RGS6: variants seen among roughly 807,000 people sequenced by gnomAD.
RGS6 encodes regulator of G-protein signaling 6.
Under a neutral mutation model 78.5 loss-of-function variants are expected in RGS6, and 30 were observed. The observed-to-expected ratio is 0.38, with a 90% confidence interval of 0.29 to 0.52. The LOEUF is 0.52. Ranked by LOEUF, RGS6 falls within the 20% of genes least tolerant of loss-of-function variation. The pLI, the probability that RGS6 is intolerant of heterozygous loss-of-function variation, is 0.85. For synonymous variants in RGS6, 206 were observed against 206.0 expected (o/e 1.00, Z 0.00); for missense variants, 495 against 609.7 (o/e 0.81, Z 1.98).
chr14:72,147,315 CTTAGT>C (rs1368516668), intron 2 of RGS6, among the ~76,000 whole-genome samples: 2 of 152,060 alleles, frequency 1.3e-5, no homozygotes, highest in Non-Finnish European at 2.9e-5. Flanking sequence ...AATTTTTTGT[CTTAGT>C]TTATTTTGTG....
intron 1 of RGS6, among the ~76,000 whole-genome samples, chr14:71,955,221 A>G (rs1697144118): frequency 6.6e-6 from 1 of 152,102 alleles, no homozygotes; most frequent in South Asian, 2.1e-4. Flanking sequence ...TCTGTAATCC[A>G]CTGTTACACC....
rs1048736605 is a variant in RGS6 at position 72,315,989 on chromosome 14, A to G, written c.85-36106A>G. ...GCTTGGCTTGGGGTAGCCCAAATAC[A>G]CAGTTCTGTCCAACCATGCATAGGC... On this transcript the variant is annotated intron_variant, in intron 2 of 17. Coordinates refer to ENST00000553525, the MANE Select transcript of RGS6 (RefSeq NM_001204424.2). 7.9e-5 allele frequency among the ~76,000 whole-genome samples: 12 copies of G among 152,290 alleles called. No individual in the cohort carries two copies. The East Asian group carries it at 2.3e-3, about 29-fold the overall frequency.
the RGS6 span, among the ~76,000 whole-genome samples, chr14:71,873,893 T>C: frequency 2.0e-5 from 3 of 152,226 alleles, no homozygotes; most frequent in Non-Finnish European, 4.4e-5. Flanking sequence ...ATTTATTAAA[T>C]TGGGAATCCT....
At chr14:72,395,503 C>A (rs553599652) in intron 3 of RGS6, among the ~76,000 whole-genome samples, 1 of 151,632 alleles carries the variant, frequency 6.6e-6, no homozygotes, top group Non-Finnish European at 1.5e-5. Context: ...GAATTCTGAC[C>A]CTCATATAAT....
chr14:72,348,839 G>A (rs922017145), intron 2 of RGS6, among the ~76,000 whole-genome samples: 1 of 152,174 alleles, frequency 6.6e-6, no homozygotes, highest in Non-Finnish European at 1.5e-5. Flanking sequence ...CTTTGCTGTA[G>A]AGCAAACCAC....
At chr14:71,995,373 C>T (rs1310070710) in intron 2 of RGS6, among the ~76,000 whole-genome samples, 5 of 152,212 alleles carry the variant, frequency 3.3e-5, no homozygotes, top group African/African-American at 4.8e-5. Context: ...TGTTTGACAT[C>T]GCATGCCAGA....
intron 17 of RGS6, among the ~76,000 whole-genome samples, chr14:72,544,489 C>T (rs1435776364): frequency 1.3e-5 from 2 of 152,140 alleles, no homozygotes; most frequent in East Asian, 1.9e-4. Flanking sequence ...CCAGAGCAAG[C>T]ACTGGAGGCC....
chr14:71,978,143 C>G (rs919793526), intron 2 of RGS6, among the ~76,000 whole-genome samples: 12 of 142,476 alleles, frequency 8.4e-5, no homozygotes, highest in African/African-American at 3.0e-4. Context: ...AGTTGCTTAT[C>G]AGCTTAAAGA....
rs2097690897 is a variant in RGS6 at position 72,562,696 on chromosome 14, C to A, written c.*229C>A. On this transcript the variant is annotated 3_prime_UTR_variant, in exon 18 of 18. Transcript: ENST00000553525. ...GCCCGGTGGAGGCTCCTGTTTACAGCCCTCTCTTCTTTGTACAGTTGTATT... is the reference window on the plus strand; with the variant it reads ...GCCCGGTGGAGGCTCCTGTTTACAGACCTCTCTTCTTTGTACAGTTGTATT... The A allele has an allele frequency of 2.0e-6, 3 of 1,536,086 alleles. No homozygotes were observed. In the East Asian group the frequency reaches 7.3e-5, roughly 38 times the overall value.
intron 3 of RGS6, among the ~76,000 whole-genome samples, chr14:72,414,976 T>G (rs1471102736): frequency 3.9e-5 from 6 of 152,168 alleles, no homozygotes; most frequent in Non-Finnish European, 8.8e-5. Flanking sequence ...GGGGGGTGCC[T>G]CCCAGTTAGG....
At chr14:72,523,242 C>T (rs955824397) in intron 15 of RGS6, among the ~76,000 whole-genome samples, 3 of 152,168 alleles carry the variant, frequency 2.0e-5, no homozygotes, top group African/African-American at 7.2e-5. Flanking sequence ...GGTGGTCGCA[C>T]TGAGACCTGG....
intron 2 of RGS6, among the ~76,000 whole-genome samples, chr14:72,282,256 C>A (rs1295372749): frequency 6.6e-6 from 1 of 152,104 alleles, no homozygotes; most frequent in African/African-American, 2.4e-5. Flanking sequence ...ATATACTTGA[C>A]CTTCATGTGA....
chr14:72,499,626 C>T (rs1323775168), intron 13 of RGS6, among the ~76,000 whole-genome samples: 1 of 152,158 alleles, frequency 6.6e-6, no homozygotes, highest in African/African-American at 2.4e-5. Context: ...ATTTCTTTGC[C>T]TCTACATACT....
chr14:72,436,980 C>A (rs1261505323), intron 3 of RGS6, among the ~76,000 whole-genome samples: 1 of 151,998 alleles, frequency 6.6e-6, no homozygotes, highest in Non-Finnish European at 1.5e-5. Context: ...CCAAGAAATG[C>A]CTTTGTGGTT....
At chr14:72,468,275 A>G (rs925606581) in intron 7 of RGS6, among the ~76,000 whole-genome samples, 2 of 152,026 alleles carry the variant, frequency 1.3e-5, no homozygotes, top group South Asian at 4.1e-4. Context: ...GCTACTCAGG[A>G]GGCTGAGGCA....
At chr14:72,450,027 T>C (rs2095454270) in intron 3 of RGS6, among the ~76,000 whole-genome samples, 1 of 152,220 alleles carries the variant, frequency 6.6e-6, no homozygotes, top group African/African-American at 2.4e-5. Flanking sequence ...AAGTATTATA[T>C]GAATGTTCTA....
At chr14:72,276,179 C>G (rs1447781690) in intron 2 of RGS6, among the ~76,000 whole-genome samples, 1 of 152,146 alleles carries the variant, frequency 6.6e-6, no homozygotes, top group Admixed American at 6.5e-5. Flanking sequence ...AAAGTTGACA[C>G]ATTATGAATG....
At chr14:72,119,889 T>TGAA (rs1178119738) in intron 2 of RGS6, among the ~76,000 whole-genome samples, 2 of 152,190 alleles carry the variant, frequency 1.3e-5, no homozygotes, top group Non-Finnish European at 2.9e-5. Context: ...CCTTGGCAAA[T>TGAA]GAAGTCAGCA....
At chr14:72,134,442 C>G (rs1463288448) in intron 2 of RGS6, among the ~76,000 whole-genome samples, 1 of 152,144 alleles carries the variant, frequency 6.6e-6, no homozygotes, top group Non-Finnish European at 1.5e-5. Context: ...GTTGAGGCTC[C>G]TGGTAAATTC....
Sources: gnomAD v4.1 joint callset for allele counts (sites outside exome capture counted in the v4.1 genomes callset) on GRCh38, gnomAD v4.1.1 for gene constraint, MANE v1.5 for transcripts, NCBI Gene and HGNC (gene_info 2026-07-23, HGNC 2026-07-21) for gene names.